The following PCDHGB4 variants were observed in gnomAD, a reference collection of about 807,000 sequenced individuals.
PCDHGB4 encodes the protein protocadherin gamma-B4.
Under a neutral mutation model 60.5 loss-of-function variants are expected in PCDHGB4, and 38 were observed. That is an observed-to-expected ratio of 0.63 (90% CI 0.48 to 0.82). The LOEUF is 0.82. Among genes scored for constraint, PCDHGB4 ranks in the 40% least tolerant of loss-of-function variants. The pLI is 0.00. For synonymous variants in PCDHGB4, 456 were observed against 509.7 expected, an observed-to-expected ratio of 0.89 and a Z score of 1.42; for missense variants, 1,109 against 1,209.6, an observed-to-expected ratio of 0.92 and a Z score of 1.23.
At chr5:141,447,238 C>G (rs1028683423) in intron 1 of PCDHGB4, among the ~76,000 whole-genome samples, 2 of 152,148 alleles carry the variant, frequency 1.3e-5, no homozygotes, top group Non-Finnish European at 2.9e-5. Context: ...CTCCCGGGTT[C>G]AAGTGATTCT....
At chr5:141,471,506 G>A (rs2099258630) in intron 1 of PCDHGB4, 1 of 152,214 alleles carries the variant, frequency 6.6e-6, no homozygotes, top group South Asian at 2.1e-4. Flanking sequence ...GCAAGAGAGG[G>A]AGTAAAAATA....
intron 3 of PCDHGB4, among the ~76,000 whole-genome samples, chr5:141,509,962 C>A (rs1186902807): frequency 2.0e-5 from 3 of 152,206 alleles, no homozygotes. Context: ...CGGGTATGGC[C>A]TTGGTCCTTC....
Position 141,489,934 on chromosome 5 carries a change from G to A in PCDHGB4, c.2398-4873G>A, listed in dbSNP as rs777780708. 1.7e-5 allele frequency: 28 copies of A among 1,614,176 alleles called. No homozygotes were observed. Among genetic ancestry groups the A allele is most frequent in the East Asian group, 6.7e-5 (3 of 44,876 alleles). On this transcript the variant is annotated intron_variant, in intron 1 of 3. Coordinates refer to ENST00000519479, the MANE Select transcript of PCDHGB4 (RefSeq NM_003736.4). This position sits in a 1 kb window ranked among gnomAD's most constrained non-coding sequence, Gnocchi z 4.5. ...AGGGACCACCCTTATCTCTGTCATCGTGCTGGACATCAATGATAATGCTCC... is the reference window on the plus strand; with the variant it reads ...AGGGACCACCCTTATCTCTGTCATCATGCTGGACATCAATGATAATGCTCC...
Position 141,389,259 on chromosome 5 carries a change from G to C in PCDHGB4, c.1375G>C (p.Val459Leu), listed in dbSNP as rs374136353. The C allele has an allele frequency of 6.2e-7, 1 of 1,613,888 alleles. No individual in the cohort carries two copies. Among genetic ancestry groups the C allele is most frequent in the Non-Finnish European group, 8.5e-7 (1 of 1,179,906 alleles). ...VFSQSSYIVH[V>L]AENNPPGASI... ...CTCACAGTCTTCCTATATAGTCCAC[G>C]TGGCCGAGAACAACCCGCCTGGAGC... is the stretch of plus-strand genomic sequence containing the variant. Residue 459 changes from valine to leucine, a missense_variant, in exon 1 of 4, where the codon GTG becomes CTG. By Grantham distance (32) the Val-to-Leu change is conservative (BLOSUM62 1). Around this residue, in one of 2 missense-constraint regions of PCDHGB4, gnomAD observed 1,068 missense variants for 1,089.9 expected, o/e 0.98. Transcript: ENST00000519479.
intron 1 of PCDHGB4, among the ~76,000 whole-genome samples, chr5:141,468,946 C>T (rs1437282358): frequency 7.0e-6 from 1 of 141,900 alleles, no homozygotes; most frequent in East Asian, 2.0e-4. Context: ...ATGGGGTAAA[C>T]CTGTGGTTTT....
At chr5:141,396,792 A>G (rs2093435420) in intron 1 of PCDHGB4, among the ~76,000 whole-genome samples, 1 of 152,202 alleles carries the variant, frequency 6.6e-6, no homozygotes, top group Non-Finnish European at 1.5e-5. Flanking sequence ...GACATTTCCT[A>G]AGGATTGTGT....
At position 141,389,926 on chromosome 5, in the gene PCDHGB4, A is replaced by G. The variant is rs1442843006; in HGVS notation, c.2042A>G (p.Asp681Gly). 2 of 1,613,766 alleles carry G rather than the reference A, an allele frequency of 1.2e-6. No individual in the cohort carries two copies. Among genetic ancestry groups the G allele is most frequent in the Non-Finnish European group, 1.7e-6 (2 of 1,179,864 alleles). Residue 681 changes from aspartate (D) to glycine (G), a missense_variant, in exon 1 of 4, where the codon GAC becomes GGC. Around this residue, in one of 2 missense-constraint regions of PCDHGB4, gnomAD observed 1,068 missense variants for 1,089.9 expected, o/e 0.98. Transcript: ENST00000519479. The stretch of plus-strand genomic sequence containing the variant: ...ATCACTGACCGCCCCGACCCCTCTG[A>G]CCTCCAGGCTGAGCTGCAGTTTTAC... The part of the protein sequence containing the change: ...PDITDRPDPS[D>G]LQAELQFYLV...
intron 1 of PCDHGB4, chr5:141,412,074 A>G (rs751287485): frequency 2.0e-5 from 3 of 152,184 alleles, no homozygotes; most frequent in Non-Finnish European, 4.4e-5. Context: ...TGAGGGAACA[A>G]TTGCTACTGG....
chr5:141,421,468 C>A (rs759548375), intron 1 of PCDHGB4: 9 of 1,614,096 alleles, frequency 5.6e-6, no homozygotes, highest in Non-Finnish European at 5.9e-6. Flanking sequence ...TGTGAATCCG[C>A]GAAGCGGCAG....
At position 141,390,019 on chromosome 5, in the gene PCDHGB4, G is replaced by A. The variant is rs1047341984; in HGVS notation, c.2135G>A (p.Arg712His). The A allele has an allele frequency of 1.9e-6, 3 of 1,614,002 alleles. No individual in the cohort carries two copies. Among genetic ancestry groups the A allele is most frequent in the Non-Finnish European group, 2.5e-6 (3 of 1,179,896 alleles). Reference sequence around the variant, plus strand: ...GCCATGATTCTGGCCATTGCCTTGCGCCTGCGACGCTCCTCCAGCCCCGCC... The same window carrying A: ...GCCATGATTCTGGCCATTGCCTTGCACCTGCGACGCTCCTCCAGCCCCGCC... ...LVAMILAIALRLRRSSSPASW... is the reference protein window; with the variant it reads ...LVAMILAIALHLRRSSSPASW... Residue 712 changes from arginine (R) to histidine (H), a missense_variant, in exon 1 of 4, where the codon CGC (arginine) becomes CAC (histidine). Physicochemically the swap from Arg to His is conservative, Grantham distance 29 (BLOSUM62 0). Transcript: ENST00000519479.
In PCDHGB4 at chr5:141,432,184, C is replaced by G; in HGVS notation, c.2397+41903C>G. 1 of 1,614,164 alleles carries G rather than the reference C, an allele frequency of 6.2e-7. No individual in the cohort carries two copies. The highest frequency in any genetic ancestry group is 2.2e-5 in the East Asian group (1 of 44,872). On this transcript the variant is annotated intron_variant, in intron 1 of 3. Coordinates refer to ENST00000519479, the MANE Select transcript of PCDHGB4 (RefSeq NM_003736.4). This position sits in a 1 kb window ranked among gnomAD's most constrained non-coding sequence, Gnocchi z 6.0. Reference sequence around the variant, plus strand: ...GAGGAGTTTCCCTCGTCTCTGTGACCGCCCACGACCCCGACTGTGAAGAGA... The same window carrying G: ...GAGGAGTTTCCCTCGTCTCTGTGACGGCCCACGACCCCGACTGTGAAGAGA...
intron 1 of PCDHGB4, chr5:141,433,253 G>T: frequency 7.1e-7 from 1 of 1,416,466 alleles, no homozygotes; most frequent in South Asian, 1.3e-5. Flanking sequence ...GAATGCAGCG[G>T]TACGATCATA....
At chr5:141,446,860 G>A (rs969206755) in intron 1 of PCDHGB4, among the ~76,000 whole-genome samples, 17 of 152,162 alleles carry the variant, frequency 1.1e-4, no homozygotes, top group African/African-American at 3.9e-4. Flanking sequence ...CTTCCTGATA[G>A]CTCTACACTG....
chr5:141,490,715 C>G lies in PCDHGB4; in HGVS notation c.2398-4092C>G, dbSNP rs757619272. The stretch of plus-strand genomic sequence containing the variant: ...GGGGATAATGCCCGCCTCACCTACT[C>G]CATTGTAGGAAATCAGGTTCAGGGA... On this transcript the variant is annotated intron_variant, in intron 1 of 3. Coordinates refer to ENST00000519479, the MANE Select transcript of PCDHGB4 (RefSeq NM_003736.4). This position sits in a 1 kb window ranked among gnomAD's most constrained non-coding sequence, Gnocchi z 5.4. 14 of 1,614,130 alleles carry G rather than the reference C, an allele frequency of 8.7e-6. No individual in the cohort carries two copies. Among genetic ancestry groups the G allele is most frequent in the Non-Finnish European group, 1.1e-5 (13 of 1,179,978 alleles).
At position 141,413,842 on chromosome 5, in the gene PCDHGB4, G is replaced by T. The variant is rs1181086477; in HGVS notation, c.2397+23561G>T. 6.2e-6 allele frequency: 10 copies of T among 1,613,176 alleles called. No homozygotes were observed. In the Admixed American group the frequency reaches 1.7e-4, roughly 27 times the overall value. The stretch of plus-strand genomic sequence containing the variant: ...GGTCCTCACCGCCTCCGACGGGGGT[G>T]ACCCTCTCCGATCTGGCACTGTCCT... On this transcript the variant is annotated intron_variant, in intron 1 of 3. Transcript: ENST00000519479.
intron 1 of PCDHGB4, among the ~76,000 whole-genome samples, chr5:141,470,624 A>G (rs1421700811): frequency 6.6e-6 from 1 of 152,220 alleles, no homozygotes; most frequent in Non-Finnish European, 1.5e-5. Flanking sequence ...TCATGCTTAG[A>G]TAGGCCCCCT....
In PCDHGB4 at chr5:141,489,911, G is replaced by A; in HGVS notation, c.2398-4896G>A. On this transcript the variant is annotated intron_variant, in intron 1 of 3. Transcript: ENST00000519479. The surrounding 1 kb of genome is among the most constrained non-coding windows in gnomAD (Gnocchi z 4.5). ...GATGGGGGGACCCCAGCCCGCTCAG[G>A]GACCACCCTTATCTCTGTCATCGTG... 3.7e-6 allele frequency: 6 copies of A among 1,614,198 alleles called. No individual in the cohort carries two copies. Among genetic ancestry groups the A allele is most frequent in the Non-Finnish European group, 5.1e-6 (6 of 1,180,042 alleles).
intron 1 of PCDHGB4, among the ~76,000 whole-genome samples, chr5:141,453,261 A>G (rs1387512741): frequency 6.6e-6 from 1 of 152,028 alleles, no homozygotes; most frequent in Non-Finnish European, 1.5e-5. Context: ...CTGCAAGTGC[A>G]CACCACCATG....
At chr5:141,443,029 C>T (rs1281303741) in intron 1 of PCDHGB4, among the ~76,000 whole-genome samples, 3 of 152,192 alleles carry the variant, frequency 2.0e-5, no homozygotes, top group Non-Finnish European at 2.9e-5. Flanking sequence ...AGTTGCCAGA[C>T]CTAAACTTTG....
Sources: allele counts gnomAD v4.1 joint callset (sites outside exome capture counted in the v4.1 genomes callset), GRCh38; gene constraint gnomAD v4.1.1; regional missense constraint gnomAD v4.1.1; non-coding constraint Gnocchi (gnomAD v3.1); transcripts MANE v1.5; gene names NCBI Gene and HGNC (gene_info 2026-07-23, HGNC 2026-07-21).